SCEL: variants seen among roughly 807,000 people sequenced by gnomAD.
SCEL encodes the protein sciellin.
In SCEL, 113 loss-of-function variants were observed where a neutral mutation model predicts 117.6. That is an observed-to-expected ratio of 0.96 (90% CI 0.83 to 1.12). SCEL has a LOEUF of 1.12. Ranked by LOEUF, SCEL falls within the 50% of genes most tolerant of loss-of-function variation. The pLI, the probability that SCEL is intolerant of heterozygous loss-of-function variation, is 0.00. For synonymous variants in SCEL, 270 were observed against 256.2 expected, an observed-to-expected ratio of 1.05 and a Z score of -0.51; for missense variants, 785 against 810.8, an observed-to-expected ratio of 0.97 and a Z score of 0.39.
In SCEL at chr13:77,644,320, A is replaced by G. The variant is rs2090698022; in HGVS notation, c.*46A>G. The G allele has an allele frequency of 3.8e-6, 6 of 1,591,020 alleles. No individual in the cohort carries two copies. The highest frequency in any genetic ancestry group is 5.2e-6 in the Non-Finnish European group (6 of 1,160,584). On this transcript the variant is annotated 3_prime_UTR_variant, in exon 33 of 33. Coordinates refer to ENST00000349847, the MANE Select transcript of SCEL (RefSeq NM_144777.3). ...GATGAAAAGCACTCATTAAGGAATT[A>G]AAGTTACAAGTTTTATCTTAATAAT...
chr13:77,642,905 A>C, intron 32 of SCEL, 97 bp downstream of exon 32: 2 of 606,998 alleles, frequency 3.3e-6, no homozygotes, highest in Non-Finnish European at 5.5e-6. Flanking sequence ...AAAACATTTT[A>C]CTAGTTATAT....
chr13:77,546,135 G>A (rs114841142), intron 1 of SCEL, among the ~76,000 whole-genome samples: 1,738 of 152,320 alleles, frequency 0.011, 37 homozygotes, highest in African/African-American at 0.039. Flanking sequence ...GCTGCAGTGT[G>A]TTCATTGGGG....
In SCEL at chr13:77,633,920, G is replaced by A. The variant is rs549881381; in HGVS notation, c.1692-459G>A. On this transcript the variant is annotated intron_variant, in intron 28 of 32. Coordinates refer to ENST00000349847, the MANE Select transcript of SCEL (RefSeq NM_144777.3). ...CTTAAAAAGTCTACAATTTAAAAAAGCATGATGGTGACATTAGTGTGACAT... is the reference window on the plus strand; with the variant it reads ...CTTAAAAAGTCTACAATTTAAAAAAACATGATGGTGACATTAGTGTGACAT... Among the ~76,000 whole-genome samples, 5 of 152,284 alleles carry A rather than the reference G, an allele frequency of 3.3e-5. No individual in the cohort carries two copies. In the East Asian group the frequency reaches 7.7e-4, roughly 23 times the overall value.
intron 27 of SCEL, among the ~76,000 whole-genome samples, chr13:77,626,912 C>G (rs2089765579): frequency 6.6e-6 from 1 of 151,830 alleles, no homozygotes; most frequent in East Asian, 1.9e-4. Context: ...AACAGTGCTC[C>G]TACCCTATTA....
intron 9 of SCEL, among the ~76,000 whole-genome samples, chr13:77,580,643 A>G (rs1009838714): frequency 6.6e-6 from 1 of 152,208 alleles, no homozygotes; most frequent in Non-Finnish European, 1.5e-5. Flanking sequence ...AGCCAAACTA[A>G]AGTACTTGCT....
intron 15 of SCEL, chr13:77,600,033 G>A: frequency 2.6e-6 from 1 of 380,912 alleles, no homozygotes; most frequent in Non-Finnish European, 4.8e-6. Flanking sequence ...AAAATGGAAA[G>A]AAACACAACT....
intron 29 of SCEL, among the ~76,000 whole-genome samples, chr13:77,635,649 T>TTA (rs1240582533): frequency 6.6e-6 from 1 of 152,172 alleles, no homozygotes; most frequent in African/African-American, 2.4e-5. Context: ...GATTTTTTAA[T>TTA]TAATAGGATA....
intron 12 of SCEL, among the ~76,000 whole-genome samples, chr13:77,596,085 C>T (rs746994827): frequency 7.9e-5 from 12 of 152,154 alleles, no homozygotes; most frequent in Non-Finnish European, 1.8e-4. Flanking sequence ...GTAATCCCAG[C>T]ACTTTGGGAG....
intron 9 of SCEL, among the ~76,000 whole-genome samples, chr13:77,584,235 C>T (rs1567379732): frequency 6.6e-6 from 1 of 152,190 alleles, no homozygotes; most frequent in East Asian, 1.9e-4. Flanking sequence ...CCCTGCTTGG[C>T]ATCACATCAT....
chr13:77,617,885 C>A (rs1200191258), intron 26 of SCEL, 23 bp downstream of exon 26: 5 of 1,594,628 alleles, frequency 3.1e-6, no homozygotes, highest in Non-Finnish European at 4.3e-6. Flanking sequence ...GCAGTCAATT[C>A]ATGTTTTTAT....
chr13:77,642,878 A>T (rs561623224), intron 32 of SCEL, 70 bp downstream of exon 32: 2 of 772,844 alleles, frequency 2.6e-6, no homozygotes, highest in South Asian at 4.4e-5. Flanking sequence ...ATTTAAAATG[A>T]TGTATTTTAA....
intron 32 of SCEL, among the ~76,000 whole-genome samples, chr13:77,643,968 A>G (rs2090681788): frequency 6.6e-6 from 1 of 152,158 alleles, no homozygotes; most frequent in Non-Finnish European, 1.5e-5. Context: ...CAAAAGACTC[A>G]GAAGTTTTTA....
At chr13:77,558,505 T>C (rs1302711843) in intron 3 of SCEL, among the ~76,000 whole-genome samples, 1 of 152,092 alleles carries the variant, frequency 6.6e-6, no homozygotes, top group South Asian at 2.1e-4. Context: ...ACAGTTCTTT[T>C]ATAGCTTCAT....
intron 9 of SCEL, among the ~76,000 whole-genome samples, chr13:77,576,256 A>G (rs2154398211): frequency 6.6e-6 from 1 of 152,106 alleles, no homozygotes; most frequent in East Asian, 1.9e-4. Flanking sequence ...TTCAAAGGGC[A>G]CCACTGACTC....
chr13:77,636,533 G>GT (rs2090286191), intron 29 of SCEL, among the ~76,000 whole-genome samples: 1 of 152,130 alleles, frequency 6.6e-6, no homozygotes, highest in African/African-American at 2.4e-5. Flanking sequence ...GAGCCAGCTG[G>GT]TTAGGACATT....
intron 10 of SCEL, among the ~76,000 whole-genome samples, chr13:77,589,630 A>G (rs1033827541): frequency 6.6e-6 from 1 of 152,172 alleles, no homozygotes; most frequent in Admixed American, 6.5e-5. Flanking sequence ...GTTTCCCACT[A>G]AGAGATACAG....
Position 77,644,312 on chromosome 13 carries a change from A to G in SCEL, c.*38A>G, listed in dbSNP as rs749313320. The G allele has an allele frequency of 7.5e-6, 12 of 1,600,456 alleles. No homozygotes were observed. Among genetic ancestry groups the G allele is most frequent in the Non-Finnish European group, 1.0e-5 (12 of 1,168,986 alleles). ...GAAATCAAGATGAAAAGCACTCATT[A>G]AGGAATTAAAGTTACAAGTTTTATC... On this transcript the variant is annotated 3_prime_UTR_variant, in exon 33 of 33. Transcript: ENST00000349847.
chr13:77,622,545 C>T (rs1193648390), intron 27 of SCEL, among the ~76,000 whole-genome samples: 1 of 152,138 alleles, frequency 6.6e-6, no homozygotes, highest in Non-Finnish European at 1.5e-5. Flanking sequence ...AGATAACTCA[C>T]ATTTCTCCCC....
At chr13:77,619,702 T>A (rs1210470654) in intron 27 of SCEL, among the ~76,000 whole-genome samples, 1 of 152,218 alleles carries the variant, frequency 6.6e-6, no homozygotes, top group Non-Finnish European at 1.5e-5. Context: ...CTTTGTTAAG[T>A]AGAGCCCTTT....
Sources: allele counts gnomAD v4.1 joint callset (sites outside exome capture counted in the v4.1 genomes callset), GRCh38; gene constraint gnomAD v4.1.1; transcripts MANE v1.5; gene names NCBI Gene and HGNC (gene_info 2026-07-23, HGNC 2026-07-21).